Variants in FHAD1 observed in about 807,000 individuals in gnomAD.
The protein encoded by FHAD1 is forkhead associated phosphopeptide binding domain 1, also known as forkhead-associated domain-containing protein 1.
Under a neutral mutation model 191.3 loss-of-function variants are expected in FHAD1, and 146 were observed. The ratio of observed to expected loss-of-function variants is 0.76; its 90% CI spans 0.67 to 0.88. The LOEUF is 0.88. Among genes scored for constraint, FHAD1 ranks in the 40% least tolerant of loss-of-function variants. The probability of loss-of-function intolerance (pLI) is 0.00; values close to 1 mark genes in which losing one functional copy is unlikely to be tolerated. For synonymous variants in FHAD1, 616 were observed against 672.3 expected, an observed-to-expected ratio of 0.92 and a Z score of 1.29; for missense variants, 1,635 against 1,785.8, an observed-to-expected ratio of 0.92 and a Z score of 1.52.
intron 26 of FHAD1, among the ~76,000 whole-genome samples, chr1:15,370,544 G>T (rs955610451): frequency 1.3e-5 from 2 of 152,180 alleles, no homozygotes; most frequent in African/African-American, 4.8e-5. Context: ...TGTGCTTGAT[G>T]GGGCCAAACT....
At chr1:15,277,190 A>G (rs1407212540) in intron 3 of FHAD1, among the ~76,000 whole-genome samples, 3 of 152,278 alleles carry the variant, frequency 2.0e-5, no homozygotes, top group African/African-American at 7.2e-5. Flanking sequence ...AGCTTCCCAC[A>G]TGACTTCTGG....
chr1:15,245,853 A>C (rs1005014869), upstream of FHAD1, among the ~76,000 whole-genome samples: 2 of 152,242 alleles, frequency 1.3e-5, no homozygotes, highest in Non-Finnish European at 2.9e-5. Context: ...TGTGCCCAGA[A>C]GTCCGCATTT....
At chr1:15,263,391 GA>G (rs1237018595) in intron 2 of FHAD1, among the ~76,000 whole-genome samples, 1 of 151,590 alleles carries the variant, frequency 6.6e-6, no homozygotes, top group African/African-American at 2.4e-5. Context: ...CTATTGTCCG[GA>G]AGCTTTTCTT....
In FHAD1 at chr1:15,240,035, C is replaced by T. The variant is rs181231407; in HGVS notation, c.-15+3274C>T. ...CTCTGTGGTATCCTCTCCCTTGAGTCGGGGCAGGACCTGTAACTTATTTTA... is the reference window on the plus strand; with the variant it reads ...CTCTGTGGTATCCTCTCCCTTGAGTTGGGGCAGGACCTGTAACTTATTTTA... On this transcript the variant is annotated intron_variant, in intron 1 of 33. Coordinates refer to the FHAD1 transcript ENST00000683790. 2.1e-4 allele frequency among the ~76,000 whole-genome samples: 32 copies of T among 152,296 alleles called. No homozygotes were observed. In the East Asian group the frequency reaches 5.6e-3, roughly 27 times the overall value.
chr1:15,359,338 G>A (rs187412841), intron 21 of FHAD1, among the ~76,000 whole-genome samples: 12 of 152,146 alleles, frequency 7.9e-5, no homozygotes, highest in Admixed American at 2.6e-4. Context: ...TGAGTGTCTC[G>A]GGCAAAGAAT....
chr1:15,329,382 A>T lies in FHAD1; in HGVS notation c.1747A>T (p.Lys583Ter). ...MKISCCSHDL[K>*]KEVDLLQHLQ... ...AATATCCTGTTGCAGCCATGACCTG[A>T]AGAAGGAGGTCGACCTTCTTCAGCA... Residue 583 changes from lysine to a stop codon, truncating the protein, a stop_gained, in exon 14 of 34, where the codon AAG becomes TAG. Coordinates refer to ENST00000688493, the MANE Select transcript of FHAD1 (RefSeq NM_001391957.1). LOFTEE classifies it high-confidence loss of function. This position sits in a 1 kb window ranked among gnomAD's most constrained non-coding sequence, Gnocchi z 5.0. 6.5e-7 allele frequency: 1 copy of T among 1,550,308 alleles called. No homozygotes were observed. Among genetic ancestry groups the T allele is most frequent in the Non-Finnish European group, 8.7e-7 (1 of 1,146,246 alleles).
intron 20 of FHAD1, among the ~76,000 whole-genome samples, chr1:15,354,861 G>A (rs1401414441): frequency 1.3e-5 from 2 of 152,152 alleles, no homozygotes; most frequent in African/African-American, 2.4e-5. Flanking sequence ...ATTACTTAGA[G>A]GATTCTGCAA....
At chr1:15,338,058 C>G (rs1684990136) in intron 14 of FHAD1, among the ~76,000 whole-genome samples, 1 of 152,158 alleles carries the variant, frequency 6.6e-6, no homozygotes, top group African/African-American at 2.4e-5. Context: ...CTGCTCCTCC[C>G]TCTCCCATCA....
intron 3 of FHAD1, among the ~76,000 whole-genome samples, chr1:15,284,383 G>A (rs1172561568): frequency 6.6e-6 from 1 of 151,580 alleles, no homozygotes; most frequent in Non-Finnish European, 1.5e-5. Context: ...GGAAGCTGAG[G>A]CAGGAGAATG....
chr1:15,323,916 T>C (rs1677263297), intron 10 of FHAD1, among the ~76,000 whole-genome samples: 1 of 152,144 alleles, frequency 6.6e-6, no homozygotes, highest in Non-Finnish European at 1.5e-5. Flanking sequence ...ACAGTTACAA[T>C]AATAAACCCA....
intron 31 of FHAD1, chr1:15,383,438 C>T (rs1482392925): frequency 5.7e-6 from 2 of 348,806 alleles, no homozygotes; most frequent in Non-Finnish European, 1.1e-5. Flanking sequence ...GGTCTACACA[C>T]TGGAAAGTTT....
At chr1:15,290,153 A>G (rs12123804) in intron 4 of FHAD1, among the ~76,000 whole-genome samples, 4,014 of 152,260 alleles carry the variant, frequency 0.026, 117 homozygotes, top group South Asian at 0.093. Context: ...CGTCTAATCT[A>G]ATGTTTTTCA....
chr1:15,375,506 G>A (rs529060246), intron 27 of FHAD1, 97 bp from the exon 28 acceptor site: 3 of 1,185,572 alleles, frequency 2.5e-6, no homozygotes, highest in African/African-American at 1.6e-5. Flanking sequence ...GATTAAAACA[G>A]GCCTGTGTAA....
chr1:15,311,945 G>A lies in FHAD1; in HGVS notation c.1040-1112G>A, dbSNP rs141789076. Reference sequence around the variant, plus strand: ...GTCATCTAAAGCCCGACTAGGGCTCGAGGATCCCCTTCTGGAATGACTCGC... The same window carrying A: ...GTCATCTAAAGCCCGACTAGGGCTCAAGGATCCCCTTCTGGAATGACTCGC... On this transcript the variant is annotated intron_variant, in intron 7 of 33. Transcript: ENST00000688493. This position sits in a 1 kb window ranked among gnomAD's most constrained non-coding sequence, Gnocchi z 4.1. Among the ~76,000 whole-genome samples, 121 of 152,314 alleles carry A rather than the reference G, an allele frequency of 7.9e-4. 1 individual carries two copies. Among genetic ancestry groups the A allele is most frequent in the Non-Finnish European group, 1.4e-3 (98 of 68,028 alleles).
intron 2 of FHAD1, among the ~76,000 whole-genome samples, chr1:15,259,399 C>T (rs1187923022): frequency 6.6e-6 from 1 of 152,104 alleles, no homozygotes; most frequent in Non-Finnish European, 1.5e-5. Context: ...TAACTTGCCC[C>T]AAATCACACA....
chr1:15,236,691 T>C (rs1644821573), exon 1 of FHAD1, among the ~76,000 whole-genome samples: 1 of 152,306 alleles, frequency 6.6e-6, no homozygotes, highest in African/African-American at 2.4e-5. Flanking sequence ...TGGTCAAAAG[T>C]ATTGCTGAGG....
chr1:15,390,181 A>G (rs1044910748), intron 32 of FHAD1, among the ~76,000 whole-genome samples: 2 of 152,004 alleles, frequency 1.3e-5, no homozygotes, highest in African/African-American at 4.8e-5. Flanking sequence ...CCTCATCGCT[A>G]CTAAAAATAC....
At chr1:15,271,786 G>T (rs1482522982) in intron 2 of FHAD1, among the ~76,000 whole-genome samples, 1 of 152,144 alleles carries the variant, frequency 6.6e-6, no homozygotes, top group Non-Finnish European at 1.5e-5. Flanking sequence ...CCACTGGTGA[G>T]GGTGGGATTA....
At chr1:15,243,089 G>T (rs1645582768), upstream of FHAD1, among the ~76,000 whole-genome samples, 1 of 152,176 alleles carries the variant, frequency 6.6e-6, no homozygotes, top group South Asian at 2.1e-4. Flanking sequence ...AACTGACTTT[G>T]AAAAATGATT....
Sources: gnomAD v4.1 joint callset for allele counts (sites outside exome capture counted in the v4.1 genomes callset) on GRCh38, gnomAD v4.1.1 for gene constraint, Gnocchi (gnomAD v3.1) non-coding constraint, MANE v1.5 for transcripts, NCBI Gene and HGNC (gene_info 2026-07-23, HGNC 2026-07-21) for gene names.